TLK1: variants seen among roughly 807,000 people sequenced by gnomAD.
TLK1 encodes the protein serine/threonine-protein kinase tousled-like 1.
A neutral mutation model predicts 105.3 loss-of-function variants in TLK1; 24 were observed. The observed-to-expected ratio is 0.23, with a 90% CI of 0.17 to 0.32. TLK1 has a LOEUF of 0.32. Ranked by LOEUF, TLK1 falls within the 10% of genes least tolerant of loss-of-function variation. The pLI, the probability that TLK1 is intolerant of heterozygous loss-of-function variation, is 1.00. For missense variants in TLK1, 558 were observed against 910.5 expected, an observed-to-expected ratio of 0.61 and a Z score of 4.98; for synonymous variants, 321 against 310.4, an observed-to-expected ratio of 1.03 and a Z score of -0.36.
intron 13 of TLK1, 98 bp downstream of exon 13, chr2:171,014,753 G>A (rs751998408): frequency 3.0e-5 from 28 of 941,988 alleles, no homozygotes; most frequent in African/African-American, 2.1e-4. Context: ...TTCTAAGTAC[G>A]ATGAGACAAC....
chr2:171,229,398 A>G (rs1352811001), intron 1 of TLK1, among the ~76,000 whole-genome samples: 4 of 152,158 alleles, frequency 2.6e-5, no homozygotes, highest in Non-Finnish European at 4.4e-5. Context: ...TTTGACTTGC[A>G]TTCACATATT....
chr2:171,143,500 T>C (rs1220872452), intron 1 of TLK1, among the ~76,000 whole-genome samples: 2 of 82,196 alleles, frequency 2.4e-5, no homozygotes, highest in African/African-American at 1.0e-4. Context: ...AGTGGGACTC[T>C]ATCTCCAAAA....
intron 1 of TLK1, among the ~76,000 whole-genome samples, chr2:171,137,451 C>T (rs1286080092): frequency 6.6e-6 from 1 of 152,074 alleles, no homozygotes; most frequent in African/African-American, 2.4e-5. Context: ...TTTTCTGTGG[C>T]TTTTTATTTT....
chr2:171,212,321 C>T (rs945501702), intron 1 of TLK1, among the ~76,000 whole-genome samples: 84 of 147,500 alleles, frequency 5.7e-4, no homozygotes, highest in African/African-American at 1.9e-3. Flanking sequence ...CGCCCCCAAG[C>T]TTCACTCCCT....
rs766856425 is a variant in TLK1 at position 171,006,782 on chromosome 2, ACC to A, written c.1598+16_1598+17del. On this transcript the variant is annotated intron_variant, in intron 16 of 20. Coordinates refer to ENST00000431350, the MANE Select transcript of TLK1 (RefSeq NM_012290.5). ...AAGCATATCTTTCCTTAAAAATTGA[ACC>A]TTAATATTCACTTACGTATCTGTAT... 3.1e-6 allele frequency: 5 copies of A among 1,606,058 alleles called. No homozygotes were observed. The East Asian group carries it at 1.1e-4, about 36-fold the overall frequency.
At position 171,079,653 on chromosome 2, in the gene TLK1, T is replaced by C. The variant is rs115239647; in HGVS notation, c.330+3128A>G. On this transcript the variant is annotated intron_variant, in intron 3 of 20. Coordinates refer to ENST00000431350, the MANE Select transcript of TLK1 (RefSeq NM_012290.5). ...TTTATTTACGAGAGGAAAAACTTTT[T>C]CATTCTATTTAATTCCACATTTAGA... is the stretch of plus-strand genomic sequence containing the variant. 3.3e-3 allele frequency among the ~76,000 whole-genome samples: 510 copies of C among 152,348 alleles called. 4 individuals carry two copies. Among genetic ancestry groups the C allele is most frequent in the African/African-American group, 0.011 (455 of 41,584 alleles).
intron 12 of TLK1, among the ~76,000 whole-genome samples, chr2:171,022,086 A>AC (rs1553605633): frequency 0.16 from 16,061 of 102,958 alleles, 1,184 homozygotes; most frequent in Middle Eastern, 0.23. Flanking sequence ...CTGGGCGAAA[A>AC]ACACACACAC....
chr2:171,024,557 AAAGCCACAAGT>A (rs1391107765), intron 12 of TLK1, among the ~76,000 whole-genome samples: 1 of 152,218 alleles, frequency 6.6e-6, no homozygotes, highest in Non-Finnish European at 1.5e-5. Context: ...AGATGCAAGG[AAAGCCACAAGT>A]GAATTAATTT....
In TLK1 at chr2:171,149,099, CTTTTTTTTTTT is replaced by C. The variant is rs11335300; in HGVS notation, c.139+11180_139+11190del. ...ATTTTTCATCCTTTGAATTACTTTT[CTTTTTTTTTTT>C]TTTTTTTTTTTTTAACATTTCTAAG... On this transcript the variant is annotated intron_variant, in intron 1 of 20. Coordinates refer to ENST00000431350, the MANE Select transcript of TLK1 (RefSeq NM_012290.5). Among the ~76,000 whole-genome samples the C allele has an allele frequency of 2.4e-3, 138 of 57,902 alleles. 1 individual carries two copies. Among genetic ancestry groups the C allele is most frequent in the South Asian group, 0.012 (18 of 1,550 alleles). 38.0% of individuals were successfully genotyped at this position (57,902 alleles called of 152,430 possible).
chr2:171,121,721 A>T (rs1211129855), intron 1 of TLK1, among the ~76,000 whole-genome samples: 2 of 152,140 alleles, frequency 1.3e-5, no homozygotes. Flanking sequence ...GGCACACTGA[A>T]ATTTACCATG....
chr2:171,007,184 A>G, intron 14 of TLK1, 121 bp from the exon 15 acceptor site: 1 of 686,014 alleles, frequency 1.5e-6, no homozygotes, highest in Non-Finnish European at 2.5e-6. Flanking sequence ...TACAATTATT[A>G]ATGATCTTCT....
At chr2:171,194,804 G>A (rs1297575694) in intron 1 of TLK1, among the ~76,000 whole-genome samples, 4 of 137,114 alleles carry the variant, frequency 2.9e-5, no homozygotes, top group South Asian at 2.2e-4. Flanking sequence ...GCGACAGAGC[G>A]AGACTCCGTC....
chr2:171,163,347 C>G (rs1419259803), upstream of TLK1, among the ~76,000 whole-genome samples: 1 of 152,178 alleles, frequency 6.6e-6, no homozygotes, highest in African/African-American at 2.4e-5. Flanking sequence ...TACCCAGGAT[C>G]TTGCCATTCG....
At chr2:171,043,446 G>C (rs1433794666) in intron 11 of TLK1, among the ~76,000 whole-genome samples, 1 of 152,154 alleles carries the variant, frequency 6.6e-6, no homozygotes, top group African/African-American at 2.4e-5. Context: ...GGACTTTTGG[G>C]TTAGATCATT....
chr2:171,048,630 C>CAAGAG (rs1290211447), intron 10 of TLK1, among the ~76,000 whole-genome samples: 1 of 151,182 alleles, frequency 6.6e-6, no homozygotes, highest in African/African-American at 2.4e-5. Flanking sequence ...AGAATTGAAA[C>CAAGAG]CCAAACTCTC....
In TLK1 at chr2:171,049,917, T is replaced by G. The variant is rs1687153293; in HGVS notation, c.877A>C (p.Ser293Arg). The change falls in exon 10 of 21, where the codon AGT becomes CGT. Residue 293 changes from serine (S) to arginine (R), a missense_variant. Coordinates refer to ENST00000431350, the MANE Select transcript of TLK1 (RefSeq NM_012290.5). ...CCGAGGCGTAATCGATCTTGCATACTCTTCTCTCTGCTTGACAGCTTTTCT... is the reference window on the plus strand; with the variant it reads ...CCGAGGCGTAATCGATCTTGCATACGCTTCTCTCTGCTTGACAGCTTTTCT... ...TQEKLSSREK[S>R]MQDRLRLGHF... is the part of the protein sequence containing the mutation. 6.2e-7 allele frequency: 1 copy of G among 1,613,654 alleles called. No homozygotes were observed. Among genetic ancestry groups the G allele is most frequent in the African/African-American group, 1.3e-5 (1 of 74,824 alleles).
At chr2:171,205,836 T>C (rs148999378) in intron 1 of TLK1, among the ~76,000 whole-genome samples, 4 of 152,332 alleles carry the variant, frequency 2.6e-5, no homozygotes, top group African/African-American at 9.6e-5. Flanking sequence ...AAAGGTTTCC[T>C]CTGTAAGTTT....
intron 11 of TLK1, among the ~76,000 whole-genome samples, chr2:171,043,673 T>C (rs972714064): frequency 6.6e-6 from 1 of 152,084 alleles, no homozygotes; most frequent in African/African-American, 2.4e-5. Context: ...AAAGGATGAG[T>C]GGACATATCT....
intron 1 of TLK1, among the ~76,000 whole-genome samples, chr2:171,149,778 C>T (rs1691956451): frequency 6.6e-6 from 1 of 151,900 alleles, no homozygotes; most frequent in South Asian, 2.1e-4. Flanking sequence ...TGGTGGCGTG[C>T]ACCTGTAGTC....
Sources: allele counts gnomAD v4.1 joint callset (sites outside exome capture counted in the v4.1 genomes callset), GRCh38; gene constraint gnomAD v4.1.1; transcripts MANE v1.5; gene names NCBI Gene and HGNC (gene_info 2026-07-23, HGNC 2026-07-21).